ARMC8: variants seen among roughly 807,000 people sequenced by gnomAD.
The protein encoded by ARMC8 is armadillo repeat containing 8.
In ARMC8, 20 loss-of-function variants were observed where a neutral mutation model predicts 99.3. That is an observed-to-expected ratio of 0.20 (90% CI 0.14 to 0.29). The LOEUF is 0.29. ARMC8 is among the 10% of genes least tolerant of loss of function. ARMC8 has a pLI of 1.00. For synonymous variants in ARMC8, 263 were observed against 278.3 expected, an observed-to-expected ratio of 0.95 and a Z score of 0.55; for missense variants, 569 against 809.5, an observed-to-expected ratio of 0.70 and a Z score of 3.60.
At chr3:138,289,261 G>A in intron 20 of ARMC8, 141 bp downstream of exon 20, 2 of 652,318 alleles carry the variant, frequency 3.1e-6, no homozygotes, top group South Asian at 2.0e-5. Flanking sequence ...GAGTTGCCCT[G>A]GTATGAGAAT....
intron 11 of ARMC8, among the ~76,000 whole-genome samples, chr3:138,244,403 A>G (rs534567189): frequency 4.7e-4 from 71 of 152,032 alleles, no homozygotes; most frequent in Non-Finnish European, 9.4e-4. Flanking sequence ...TCAGCCTCCC[A>G]AGTAGCTGGG....
intron 18 of ARMC8, among the ~76,000 whole-genome samples, chr3:138,283,038 C>T (rs912451040): frequency 6.6e-6 from 1 of 152,214 alleles, no homozygotes; most frequent in African/African-American, 2.4e-5. Context: ...TAAAGCCCTC[C>T]TCAACATGAT....
At position 138,262,266 on chromosome 3, in the gene ARMC8, CAG is replaced by C. The variant is rs71824944; in HGVS notation, c.1135-1468_1135-1467del. The C allele has an allele frequency of 1.2e-3, 432 of 360,384 alleles. 3 individuals are homozygous for C. The highest frequency in any genetic ancestry group is 8.7e-3 in the African/African-American group (414 of 47,576). 22.3% of individuals were successfully genotyped at this position (360,384 alleles called of 1,614,324 possible). On this transcript the variant is annotated intron_variant, in intron 12 of 21. Transcript: ENST00000469044. ...TAGGGGCTAGAGGTGACAATGAGGACAGAGAGTGATTGTGCATATCAGTAAGA... is the reference window on the plus strand; with the variant it reads ...TAGGGGCTAGAGGTGACAATGAGGACAGAGTGATTGTGCATATCAGTAAGA...
At chr3:138,286,605 G>C (rs1168582524) in intron 19 of ARMC8, among the ~76,000 whole-genome samples, 5 of 152,108 alleles carry the variant, frequency 3.3e-5, no homozygotes, top group Admixed American at 2.0e-4. Flanking sequence ...CTCGTAGGGA[G>C]CTTTCAAAGA....
chr3:138,188,065 A>C (rs1021022095), intron 1 of ARMC8: 1 of 222,636 alleles, frequency 4.5e-6, no homozygotes, highest in African/African-American at 2.3e-5. Context: ...CCATTTCCTC[A>C]GAGCTGCCAG....
At chr3:138,221,660 T>C (rs888473258) in intron 2 of ARMC8, among the ~76,000 whole-genome samples, 2 of 152,168 alleles carry the variant, frequency 1.3e-5, no homozygotes, top group Non-Finnish European at 1.5e-5. Flanking sequence ...AAAGTATTGG[T>C]AGGTACCCTT....
intron 17 of ARMC8, 43 bp downstream of exon 17, chr3:138,273,159 T>C: frequency 6.3e-7 from 1 of 1,574,824 alleles, no homozygotes; most frequent in Non-Finnish European, 8.6e-7. Context: ...TAGCCCTGCA[T>C]ATGCATTGCA....
intron 17 of ARMC8, among the ~76,000 whole-genome samples, chr3:138,274,233 ATGTGTGTGTGTGTG>A (rs142329302): frequency 1.4e-5 from 2 of 142,268 alleles, no homozygotes; most frequent in African/African-American, 5.6e-5. Flanking sequence ...GTGTATATAC[ATGTGTGTGTGTGTG>A]TGTGTGTGTG....
At chr3:138,284,659 ACT>A in intron 19 of ARMC8, 133 bp downstream of exon 19, 1 of 656,166 alleles carries the variant, frequency 1.5e-6, no homozygotes, top group East Asian at 2.6e-5. Context: ...GATTCAAAGA[ACT>A]CTCTTCCATC....
intron 12 of ARMC8, among the ~76,000 whole-genome samples, chr3:138,250,238 T>C (rs1316357474): frequency 6.6e-6 from 1 of 152,166 alleles, no homozygotes; most frequent in African/African-American, 2.4e-5. Context: ...TATAATGTAC[T>C]TAAAATGTTT....
chr3:138,229,178 A>ATATATATATATATATATATATGTATATG (rs1576686064), intron 6 of ARMC8, 168 bp downstream of exon 6: 1 of 32,076 alleles, frequency 3.1e-5, no homozygotes, highest in Non-Finnish European at 6.4e-5. Flanking sequence ...ATATATATAT[A>ATATATATATATATATATATATGTATATG]TATATGTATA....
chr3:138,191,278 A>G (rs2043367598), intron 1 of ARMC8, among the ~76,000 whole-genome samples: 1 of 152,200 alleles, frequency 6.6e-6, no homozygotes, highest in African/African-American at 2.4e-5. Context: ...TTTGGTTTGC[A>G]TTTAACATTA....
At chr3:138,188,541 C>G in intron 1 of ARMC8, 1 of 1,613,912 alleles carries the variant, frequency 6.2e-7, no homozygotes. Flanking sequence ...GTCAGTTTAC[C>G]AATGGTTCAT....
At chr3:138,248,451 T>C (rs2046979456) in intron 12 of ARMC8, among the ~76,000 whole-genome samples, 1 of 152,204 alleles carries the variant, frequency 6.6e-6, no homozygotes, top group African/African-American at 2.4e-5. Flanking sequence ...ATGATAGCCT[T>C]TACCATATAT....
At chr3:138,211,861 T>A (rs892342306) in intron 2 of ARMC8, among the ~76,000 whole-genome samples, 5 of 152,088 alleles carry the variant, frequency 3.3e-5, no homozygotes, top group Admixed American at 6.6e-5. Context: ...GTGGATCAGT[T>A]GGCACTTAAG....
chr3:138,250,442 C>A (rs1199174913), intron 12 of ARMC8, among the ~76,000 whole-genome samples: 1 of 152,000 alleles, frequency 6.6e-6, no homozygotes, highest in African/African-American at 2.4e-5. Flanking sequence ...AAACTTTATT[C>A]CAGTAAAAGA....
chr3:138,238,747 T>G (rs1287448290), intron 9 of ARMC8: 1 of 152,226 alleles, frequency 6.6e-6, no homozygotes, highest in Non-Finnish European at 1.5e-5. Context: ...TTTACCTGTT[T>G]ATAACTTTCG....
At chr3:138,192,912 A>T (rs2107949270) in intron 1 of ARMC8, among the ~76,000 whole-genome samples, 1 of 152,040 alleles carries the variant, frequency 6.6e-6, no homozygotes, top group South Asian at 2.1e-4. Flanking sequence ...CCACTTTCTA[A>T]TTGGAGTGTT....
At chr3:138,290,666 C>T in intron 21 of ARMC8, 27 bp downstream of exon 21, 1 of 1,491,010 alleles carries the variant, frequency 6.7e-7, no homozygotes, top group South Asian at 1.2e-5. Flanking sequence ...AAAGGCCTTG[C>T]TTTGGGCTGT....
Sources: allele counts gnomAD v4.1 joint callset (sites outside exome capture counted in the v4.1 genomes callset), GRCh38; gene constraint gnomAD v4.1.1; transcripts MANE v1.5; gene names NCBI Gene and HGNC (gene_info 2026-07-23, HGNC 2026-07-21).